Variants in RUNX1 observed in about 807,000 individuals in gnomAD.
RUNX1 encodes the protein runt-related transcription factor 1.
Under a neutral mutation model 42.8 loss-of-function variants are expected in RUNX1, and 19 were observed. The ratio of observed to expected loss-of-function variants is 0.44; its 90% CI spans 0.31 to 0.65. The LOEUF is 0.65. Ranked by LOEUF, RUNX1 falls within the 30% of genes least tolerant of loss-of-function variation. The pLI is 0.07. For missense variants in RUNX1, 528 were observed against 672.0 expected, an observed-to-expected ratio of 0.79 and a Z score of 2.37; for synonymous variants, 271 against 289.4, an observed-to-expected ratio of 0.94 and a Z score of 0.64.
At chr21:34,976,102 G>GA (rs1361984630) in intron 2 of RUNX1, among the ~76,000 whole-genome samples, 2 of 127,256 alleles carry the variant, frequency 1.6e-5, no homozygotes, top group Non-Finnish European at 3.3e-5. Flanking sequence ...GAGGGAGATT[G>GA]AAAAAAATAC....
intron 3 of RUNX1, among the ~76,000 whole-genome samples, chr21:34,890,225 C>T (rs961042575): frequency 7.2e-5 from 11 of 151,912 alleles, no homozygotes; most frequent in Non-Finnish European, 1.2e-4. Context: ...AGCAGCCGCC[C>T]TCCCTGGACG....
intron 7 of RUNX1, among the ~76,000 whole-genome samples, chr21:34,815,397 C>T (rs922278534): frequency 1.3e-5 from 2 of 152,176 alleles, no homozygotes; most frequent in African/African-American, 4.8e-5. Flanking sequence ...TTTGTAGTTG[C>T]TGTGGAGGAA....
Position 35,048,889 on chromosome 21 carries a change from T to C in RUNX1, c.11A>G (p.Asp4Gly), listed in dbSNP as rs534158221. ...CGAAGGAAATGACTCAAATATGCTG[T>C]CTGAAGCCATCGCTTCCTCCTGAAA... Reference protein sequence around the residue: MASDSIFESFPSYP... With the variant: MASGSIFESFPSYP... The change falls in exon 2 of 9, where the codon GAC (aspartate) becomes GGC (glycine). Residue 4 changes from aspartate (D) to glycine (G), a missense_variant. Coordinates refer to ENST00000675419, the MANE Select transcript of RUNX1 (RefSeq NM_001754.5). The C allele has an allele frequency of 6.2e-6, 10 of 1,613,926 alleles. No individual in the cohort carries two copies. The highest frequency in any genetic ancestry group is 1.6e-4 in the Middle Eastern group (1 of 6,062).
chr21:34,823,282 G>A (rs776175308), intron 7 of RUNX1, among the ~76,000 whole-genome samples: 2 of 152,168 alleles, frequency 1.3e-5, no homozygotes, highest in Non-Finnish European at 2.9e-5. Context: ...CTTCCAGGAG[G>A]ATTGAGCTGG....
At chr21:34,984,980 C>T (rs763389365) in intron 2 of RUNX1, among the ~76,000 whole-genome samples, 17 of 152,014 alleles carry the variant, frequency 1.1e-4, no homozygotes, top group Non-Finnish European at 1.8e-4. Context: ...TTGGAATAGC[C>T]CCAAAATATA....
intron 2 of RUNX1, among the ~76,000 whole-genome samples, chr21:34,953,410 G>A (rs899604137): frequency 1.1e-4 from 17 of 152,118 alleles, no homozygotes; most frequent in Non-Finnish European, 1.8e-4. Flanking sequence ...GCTTTCTAAA[G>A]GGCCTTTTCC....
intron 2 of RUNX1, among the ~76,000 whole-genome samples, chr21:34,902,107 A>C (rs7279428): frequency 0.063 from 9,566 of 152,286 alleles, 1,009 homozygotes; most frequent in African/African-American, 0.22. Context: ...CATGTCCCAC[A>C]TGCTATCCCA....
chr21:34,824,528 C>T (rs369429117), intron 7 of RUNX1, among the ~76,000 whole-genome samples: 53 of 152,124 alleles, frequency 3.5e-4, no homozygotes, highest in African/African-American at 1.3e-3. Context: ...GTTTTGCAAT[C>T]GGTATCTTTA....
chr21:35,043,154 A>C (rs1483230686), intron 2 of RUNX1, among the ~76,000 whole-genome samples: 2 of 151,826 alleles, frequency 1.3e-5, no homozygotes, highest in Non-Finnish European at 2.9e-5. Context: ...CTCGTAAAGT[A>C]CTCCCTGATT....
chr21:34,888,079 A>T, intron 3 of RUNX1: 1 of 1,066,314 alleles, frequency 9.4e-7, no homozygotes, highest in Non-Finnish European at 1.1e-6. Flanking sequence ...GCAGCCGCAG[A>T]GTCACACACA....
intron 3 of RUNX1, among the ~76,000 whole-genome samples, chr21:34,891,372 C>T (rs1227476689): frequency 6.6e-6 from 1 of 152,228 alleles, no homozygotes; most frequent in Non-Finnish European, 1.5e-5. Flanking sequence ...GCGGCGCAGG[C>T]TGTTAACTGC....
rs1568808489 is a variant in RUNX1 at position 35,040,770 on chromosome 21, C to CAAA, written c.58+8071_58+8072insTTT. Among the ~76,000 whole-genome samples, 48 of 50,758 alleles carry CAAA rather than the reference C, an allele frequency of 9.5e-4. 10 individuals carry two copies. The highest frequency in any genetic ancestry group is 1.1e-3 in the Non-Finnish European group (22 of 20,842). 33.3% of individuals were successfully genotyped at this position (50,758 alleles called of 152,430 possible). On this transcript the variant is annotated intron_variant, in intron 2 of 8. Transcript: ENST00000675419. The stretch of plus-strand genomic sequence containing the variant: ...TGGTGACAGAGCTAGTAGACTCCAT[C>CAAA]CAAAAAAAAAAAAAAAAAAAAAAAC...
rs536743247 is a variant in RUNX1 at position 35,011,716 on chromosome 21, T to C, written c.58+37126A>G. On this transcript the variant is annotated intron_variant, in intron 2 of 8. Coordinates refer to ENST00000675419, the MANE Select transcript of RUNX1 (RefSeq NM_001754.5). ...GCGAGTGGAAGCAGAAGAGCATTTA[T>C]CATCATGAAACAGACAAGAATTCTT... Among the ~76,000 whole-genome samples the C allele has an allele frequency of 8.5e-5, 13 of 152,338 alleles. No individual in the cohort carries two copies. The South Asian group carries it at 2.7e-3, about 32-fold the overall frequency.
intron 6 of RUNX1, among the ~76,000 whole-genome samples, chr21:34,836,166 C>A (rs2057143557): frequency 6.6e-6 from 1 of 152,194 alleles, no homozygotes; most frequent in South Asian, 2.1e-4. Context: ...CATGTGTCAC[C>A]AAGGCAAATC....
chr21:34,997,337 T>C (rs1329061533), intron 2 of RUNX1, among the ~76,000 whole-genome samples: 1 of 150,982 alleles, frequency 6.6e-6, no homozygotes, highest in East Asian at 1.9e-4. Context: ...AAATTCACAA[T>C]AAAAAAAAAT....
At chr21:34,911,274 C>T (rs570330330) in intron 2 of RUNX1, among the ~76,000 whole-genome samples, 6 of 152,094 alleles carry the variant, frequency 3.9e-5, no homozygotes, top group African/African-American at 9.6e-5. Context: ...AAATCAATGT[C>T]GACAATACAT....
At chr21:34,884,186 C>T (rs929848268) in intron 4 of RUNX1, among the ~76,000 whole-genome samples, 1 of 152,102 alleles carries the variant, frequency 6.6e-6, no homozygotes, top group Non-Finnish European at 1.5e-5. Context: ...ATCTCTCATA[C>T]TGTAAAAAAT....
chr21:35,026,116 T>C (rs993298224), intron 2 of RUNX1, among the ~76,000 whole-genome samples: 1 of 152,146 alleles, frequency 6.6e-6, no homozygotes, highest in Non-Finnish European at 1.5e-5. Context: ...AAGATGTCCT[T>C]TTTAGGAGTG....
intron 7 of RUNX1, among the ~76,000 whole-genome samples, chr21:34,828,525 T>C (rs895163845): frequency 5.9e-5 from 9 of 152,208 alleles, no homozygotes; most frequent in African/African-American, 2.2e-4. Flanking sequence ...ATGGAATAAA[T>C]GTATTTTTAA....
Sources: gnomAD v4.1 joint callset for allele counts (sites outside exome capture counted in the v4.1 genomes callset) on GRCh38, gnomAD v4.1.1 for gene constraint, MANE v1.5 for transcripts, NCBI Gene and HGNC (gene_info 2026-07-23, HGNC 2026-07-21) for gene names.